Variants in SPHKAP observed in about 807,000 individuals in gnomAD.
SPHKAP encodes the protein SPHK1 interactor, AKAP domain containing, also known as A-kinase anchor protein SPHKAP.
SPHKAP carries 67 observed loss-of-function variants against 137.5 expected under a neutral mutation model. The ratio of observed to expected loss-of-function variants is 0.49; its 90% CI spans 0.40 to 0.60. The LOEUF is 0.60. Among genes scored for constraint, SPHKAP ranks in the 20% least tolerant of loss-of-function variants. The pLI, the probability that SPHKAP is intolerant of heterozygous loss-of-function variation, is 0.00. For missense variants in SPHKAP, 2,097 were observed against 2,069.3 expected (o/e 1.01, Z -0.26); for synonymous variants, 813 against 785.3 (o/e 1.04, Z -0.59).
At chr2:228,042,758 A>G (rs1315773585) in intron 3 of SPHKAP, among the ~76,000 whole-genome samples, 1 of 152,232 alleles carries the variant, frequency 6.6e-6, no homozygotes, top group Non-Finnish European at 1.5e-5. Flanking sequence ...TTAATTATAT[A>G]AATGTTATCT....
chr2:228,021,584 A>C, intron 6 of SPHKAP, 127 bp downstream of exon 6: 1 of 1,150,906 alleles, frequency 8.7e-7, no homozygotes, highest in African/African-American at 1.5e-5. Flanking sequence ...TTCCTTCCTT[A>C]AAATTCAGCA....
intron 7 of SPHKAP, among the ~76,000 whole-genome samples, chr2:228,009,519 ATCT>A (rs1391101256): frequency 6.6e-6 from 1 of 151,976 alleles, no homozygotes; most frequent in Non-Finnish European, 1.5e-5. Flanking sequence ...TGCTAATTTC[ATCT>A]TCTCTGTAAT....
chr2:228,027,857 T>C (rs1278112843), intron 3 of SPHKAP: 1 of 253,870 alleles, frequency 3.9e-6, no homozygotes, highest in Non-Finnish European at 6.1e-6. Flanking sequence ...TCCCAGCTAC[T>C]CGGGAGGCTG....
At chr2:227,984,356 G>T (rs1432936830) in intron 11 of SPHKAP, among the ~76,000 whole-genome samples, 2 of 150,238 alleles carry the variant, frequency 1.3e-5, no homozygotes, top group Non-Finnish European at 1.5e-5. Flanking sequence ...AGTATTCATT[G>T]CCTGGGACCT....
At chr2:228,004,476 T>C (rs1694048221) in intron 7 of SPHKAP, among the ~76,000 whole-genome samples, 1 of 152,228 alleles carries the variant, frequency 6.6e-6, no homozygotes. Context: ...GCTAGCGGTC[T>C]ATCAATTTTG....
chr2:227,998,380 G>A (rs1020163098), intron 7 of SPHKAP, among the ~76,000 whole-genome samples: 5 of 152,082 alleles, frequency 3.3e-5, no homozygotes, highest in South Asian at 2.1e-4. Context: ...AAATGTAAAC[G>A]TGTTCATGGA....
At chr2:227,998,799 C>T (rs1327478237) in intron 7 of SPHKAP, among the ~76,000 whole-genome samples, 9 of 152,130 alleles carry the variant, frequency 5.9e-5, no homozygotes, top group Admixed American at 5.2e-4. Context: ...TTGGGAAGGA[C>T]CTCTCCTCTT....
chr2:228,134,045 GAAGA>G (rs1288670491), intron 1 of SPHKAP, among the ~76,000 whole-genome samples: 1 of 151,188 alleles, frequency 6.6e-6, no homozygotes, highest in African/African-American at 2.4e-5. Context: ...AGGAAGGAAG[GAAGA>G]GAGGAAGGAA....
At chr2:228,026,522 TG>T (rs1695038907) in intron 4 of SPHKAP, among the ~76,000 whole-genome samples, 1 of 152,196 alleles carries the variant, frequency 6.6e-6, no homozygotes, top group Non-Finnish European at 1.5e-5. Context: ...AGTGCCAAGG[TG>T]TCTGCATGCT....
At chr2:227,988,764 G>A (rs1017652184) in intron 11 of SPHKAP, among the ~76,000 whole-genome samples, 5 of 152,284 alleles carry the variant, frequency 3.3e-5, no homozygotes, top group Admixed American at 3.3e-4. Context: ...GGGTCTTTGG[G>A]ACAGTGTATG....
chr2:228,012,735 C>A (rs532967084), intron 7 of SPHKAP, among the ~76,000 whole-genome samples: 2 of 152,146 alleles, frequency 1.3e-5, no homozygotes, highest in Non-Finnish European at 2.9e-5. Flanking sequence ...AATTTTTTTT[C>A]TTGAAGCAAA....
chr2:228,011,989 C>T (rs1347528339), intron 7 of SPHKAP, among the ~76,000 whole-genome samples: 1 of 151,710 alleles, frequency 6.6e-6, no homozygotes, highest in Non-Finnish European at 1.5e-5. Flanking sequence ...AACAGAATGA[C>T]ATCTCCATCT....
At chr2:228,086,499 G>A (rs1419199296) in intron 3 of SPHKAP, among the ~76,000 whole-genome samples, 6 of 152,124 alleles carry the variant, frequency 3.9e-5, no homozygotes, top group South Asian at 2.1e-4. Flanking sequence ...AATTCTCAAT[G>A]AGTGAAGCCA....
intron 2 of SPHKAP, among the ~76,000 whole-genome samples, chr2:228,112,937 C>A (rs769987426): frequency 7.4e-4 from 113 of 152,114 alleles, no homozygotes; most frequent in Non-Finnish European, 1.4e-3. Context: ...TTGACTCTTC[C>A]ATTTCCCTGG....
In SPHKAP at chr2:228,019,519, A is replaced by G. The variant is rs141625584; in HGVS notation, c.1335T>C (p.Asn445=). ...TKDTVVSRSW[N]ELPKIVVVQS... is the part of the protein sequence containing the mutation. ...GAACAACGACGATTTTGGGGAGCTCATTCCATGACCGAGAAACCACTGTAT... is the reference window on the plus strand; with the variant it reads ...GAACAACGACGATTTTGGGGAGCTCGTTCCATGACCGAGAAACCACTGTAT... The change falls in exon 7 of 12, where the codon AAT becomes AAC. Residue 445 remains asparagine, a synonymous_variant. Coordinates refer to ENST00000392056, the MANE Select transcript of SPHKAP (RefSeq NM_001142644.2). 2,529 of 1,614,108 alleles carry G rather than the reference A, an allele frequency of 1.6e-3. 4 individuals carry two copies. The highest frequency in any genetic ancestry group is 2.0e-3 in the Non-Finnish European group (2,358 of 1,179,942).
At chr2:228,068,787 C>A (rs1417369883) in intron 3 of SPHKAP, among the ~76,000 whole-genome samples, 1 of 152,186 alleles carries the variant, frequency 6.6e-6, no homozygotes. Flanking sequence ...TTTGTTTTAG[C>A]TCCCAGACTA....
At chr2:228,011,697 C>T (rs1054201531) in intron 7 of SPHKAP, among the ~76,000 whole-genome samples, 4 of 152,112 alleles carry the variant, frequency 2.6e-5, no homozygotes, top group Admixed American at 2.6e-4. Context: ...ATCACACTTG[C>T]TTGTCAATTT....
intron 3 of SPHKAP, among the ~76,000 whole-genome samples, chr2:228,074,019 G>C (rs1239157025): frequency 6.6e-6 from 1 of 152,126 alleles, no homozygotes; most frequent in Non-Finnish European, 1.5e-5. Flanking sequence ...AATTGAAGCA[G>C]GTTCAACATT....
At chr2:228,024,359 T>A (rs1292402922) in intron 5 of SPHKAP, among the ~76,000 whole-genome samples, 16 of 126,010 alleles carry the variant, frequency 1.3e-4, no homozygotes, top group African/African-American at 2.5e-4. Flanking sequence ...TTTTTTTTTT[T>A]TTAAATCTGT....
Sources: gnomAD v4.1 joint callset for allele counts (sites outside exome capture counted in the v4.1 genomes callset) on GRCh38, gnomAD v4.1.1 for gene constraint, MANE v1.5 for transcripts, NCBI Gene and HGNC (gene_info 2026-07-23, HGNC 2026-07-21) for gene names.